ANKS1A: variants seen among roughly 807,000 people sequenced by gnomAD.
The protein encoded by ANKS1A is ankyrin repeat and SAM domain-containing protein 1A.
A neutral mutation model predicts 120.3 loss-of-function variants in ANKS1A; 55 were observed. The ratio of observed to expected loss-of-function variants is 0.46; its 90% CI spans 0.37 to 0.57. The LOEUF is 0.57. Ranked by LOEUF, ANKS1A falls within the 20% of genes least tolerant of loss-of-function variation. The pLI is 0.00. For missense variants in ANKS1A, 1,123 were observed against 1,480.3 expected (o/e 0.76, Z 3.96); for synonymous variants, 590 against 604.7 (o/e 0.98, Z 0.36).
intron 2 of ANKS1A, among the ~76,000 whole-genome samples, chr6:34,967,705 AAAAC>A (rs1770971244): frequency 6.6e-6 from 1 of 152,058 alleles, no homozygotes; most frequent in African/African-American, 2.4e-5. Context: ...CTAAAAAACA[AAAAC>A]AAAACAAAGG....
At position 35,089,004 on chromosome 6, in the gene ANKS1A, A is replaced by G. The variant is rs958403393; in HGVS notation, c.*395A>G. The G allele has an allele frequency of 2.2e-5, 26 of 1,163,152 alleles. No homozygotes were observed. The highest frequency in any genetic ancestry group is 3.1e-5 in the African/African-American group (2 of 63,494). The allele number at this position is 1,163,152 out of a possible 1,614,324, so 72.1% of individuals were successfully genotyped here. A position where few individuals can be genotyped will look rare whatever the true frequency, so the allele number is the denominator to read the frequency against. Reference sequence around the variant, plus strand: ...AGGACAGGGGAGCTGAGGTTGGTTCAGAGGCCAGCCTGCATAGCCTCTGTC... The same window carrying G: ...AGGACAGGGGAGCTGAGGTTGGTTCGGAGGCCAGCCTGCATAGCCTCTGTC... On this transcript the variant is annotated 3_prime_UTR_variant, in exon 24 of 24. Coordinates refer to ENST00000360359, the MANE Select transcript of ANKS1A (RefSeq NM_015245.3).
At chr6:35,016,931 A>ACC (rs1561914680) in intron 10 of ANKS1A, among the ~76,000 whole-genome samples, 1 of 113,822 alleles carries the variant, frequency 8.8e-6, no homozygotes, top group African/African-American at 3.3e-5. Flanking sequence ...GTGGATCATG[A>ACC]CCTCTTTTTT....
intron 1 of ANKS1A, among the ~76,000 whole-genome samples, chr6:34,911,570 A>G (rs1461494693): frequency 6.6e-6 from 1 of 152,188 alleles, no homozygotes; most frequent in Non-Finnish European, 1.5e-5. Flanking sequence ...CTCAAGGACT[A>G]TGTGCATAGG....
At position 35,087,197 on chromosome 6, in the gene ANKS1A, T is replaced by G. The variant is rs1581766693; in HGVS notation, c.3401+148T>G. 4 of 776,882 alleles carry G rather than the reference T, an allele frequency of 5.1e-6. No individual in the cohort carries two copies. In the Admixed American group the frequency reaches 8.3e-5, roughly 16 times the overall value. 48.1% of individuals were successfully genotyped at this position (776,882 alleles called of 1,614,324 possible). A position where few individuals can be genotyped will look rare whatever the true frequency, so the allele number is the denominator to read the frequency against. On this transcript the variant is annotated intron_variant, in intron 23 of 23. Coordinates refer to ENST00000360359, the MANE Select transcript of ANKS1A (RefSeq NM_015245.3). ...CACCTGCACTGGGACCTGCTCCTCT[T>G]GGGCGGGCGGCAGCGTAGACGCTGT...
chr6:34,909,438 A>G (rs749310134), intron 1 of ANKS1A, among the ~76,000 whole-genome samples: 2 of 152,198 alleles, frequency 1.3e-5, no homozygotes, highest in Non-Finnish European at 2.9e-5. Flanking sequence ...AGTAGTTTAT[A>G]TGATCAAAGA....
chr6:35,021,623 A>T (rs1336131052), intron 11 of ANKS1A, among the ~76,000 whole-genome samples: 1 of 152,162 alleles, frequency 6.6e-6, no homozygotes, highest in African/African-American at 2.4e-5. Context: ...GTAGATATTA[A>T]TGTTACTATC....
chr6:35,092,783 C>A (rs1448923779), downstream of ANKS1A, among the ~76,000 whole-genome samples: 1 of 152,196 alleles, frequency 6.6e-6, no homozygotes, highest in African/African-American at 2.4e-5. Flanking sequence ...TCCTTTCTCC[C>A]CCTTCAGGGG....
At chr6:35,083,630 C>T (rs1206330855) in intron 20 of ANKS1A, 127 bp downstream of exon 20, 9 of 856,258 alleles carry the variant, frequency 1.1e-5, no homozygotes, top group Non-Finnish European at 1.7e-5. Flanking sequence ...CCCCAGTCCT[C>T]TTATTACTTC....
rs1305526038 is a variant in ANKS1A, at chr6:35,017,789, C to T, written c.1740C>T (p.His580=). The change falls in exon 11 of 24, where the codon CAC becomes CAT. Residue 580 remains histidine, a synonymous_variant. Transcript: ENST00000360359. ...TGLPTTNSRS[H]PETLTHTASP... is the part of the protein sequence containing the mutation. ...TGCCCACCACCAACAGCCGCTCGCA[C>T]CCTGAAACTTTGACTCACACAGCAT... is the stretch of plus-strand genomic sequence containing the variant. 2 of 1,614,200 alleles carry T rather than the reference C, an allele frequency of 1.2e-6. No homozygotes were observed. Among genetic ancestry groups the T allele is most frequent in the Admixed American group, 3.3e-5 (2 of 60,026 alleles).
chr6:34,913,337 G>A (rs963320314), intron 1 of ANKS1A, among the ~76,000 whole-genome samples: 2 of 152,142 alleles, frequency 1.3e-5, no homozygotes, highest in African/African-American at 4.8e-5. Flanking sequence ...AGGGTTGTTT[G>A]TTTGTTTGTG....
In ANKS1A at chr6:35,085,149, T is replaced by C. The variant is rs553017738; in HGVS notation, c.3133-617T>C. Among the ~76,000 whole-genome samples the C allele has an allele frequency of 6.6e-6, 1 of 152,268 alleles. No homozygotes were observed. The highest frequency in any genetic ancestry group is 2.1e-4 in the South Asian group (1 of 4,812). ...TTGCTGCTTGCTGGCTGTGTGAGCT[T>C]GGAAACATCGCATCTGCCTGCTTCC... On this transcript the variant is annotated intron_variant, in intron 21 of 23. Transcript: ENST00000360359. The surrounding 1 kb of genome is among the most constrained non-coding windows in gnomAD (Gnocchi z 4.7).
At chr6:34,901,578 A>G (rs1767352944) in intron 1 of ANKS1A, among the ~76,000 whole-genome samples, 1 of 152,158 alleles carries the variant, frequency 6.6e-6, no homozygotes, top group South Asian at 2.1e-4. Flanking sequence ...TGATGCAATC[A>G]CAGCTCATTG....
intron 13 of ANKS1A, among the ~76,000 whole-genome samples, chr6:35,064,098 G>A (rs1165959597): frequency 6.6e-6 from 1 of 152,326 alleles, no homozygotes; most frequent in Non-Finnish European, 1.5e-5. Context: ...CCTGACCTCA[G>A]GGCTCTCGAA....
intron 1 of ANKS1A, among the ~76,000 whole-genome samples, chr6:34,894,775 C>T (rs1354088917): frequency 6.6e-6 from 1 of 152,080 alleles, no homozygotes; most frequent in Non-Finnish European, 1.5e-5. Context: ...AAATGTACTT[C>T]TTAGGGTTCA....
intron 10 of ANKS1A, among the ~76,000 whole-genome samples, chr6:35,002,493 A>C (rs1339396703): frequency 6.6e-6 from 1 of 152,150 alleles, no homozygotes; most frequent in African/African-American, 2.4e-5. Context: ...TATATACATC[A>C]AGTCACTGAG....
chr6:34,928,543 T>C (rs568561119), intron 1 of ANKS1A, among the ~76,000 whole-genome samples: 61 of 152,308 alleles, frequency 4.0e-4, no homozygotes, highest in Middle Eastern at 6.8e-3. Context: ...CTTTTTTTTT[T>C]TCTCTTTTTT....
chr6:35,036,976 C>T (rs1413734712), intron 11 of ANKS1A, among the ~76,000 whole-genome samples: 2 of 152,234 alleles, frequency 1.3e-5, no homozygotes, highest in Non-Finnish European at 2.9e-5. Flanking sequence ...GGCTGAAGAG[C>T]CACGTCCTAA....
At chr6:35,024,789 A>T (rs186188394) in intron 11 of ANKS1A, among the ~76,000 whole-genome samples, 47 of 152,288 alleles carry the variant, frequency 3.1e-4, no homozygotes, top group Non-Finnish European at 4.6e-4. Context: ...GATTGGTTCA[A>T]CTCCATAGAG....
At chr6:35,095,602 AAGAG>A (rs796065455), downstream of ANKS1A, among the ~76,000 whole-genome samples, 10 of 148,094 alleles carry the variant, frequency 6.8e-5, no homozygotes, top group African/African-American at 1.3e-4. Flanking sequence ...GAGAGAAAGA[AAGAG>A]AGAAACAACA....
Sources: allele counts gnomAD v4.1 joint callset (sites outside exome capture counted in the v4.1 genomes callset), GRCh38; gene constraint gnomAD v4.1.1; non-coding constraint Gnocchi (gnomAD v3.1); transcripts MANE v1.5; gene names NCBI Gene and HGNC (gene_info 2026-07-23, HGNC 2026-07-21).